Variants in LRRC37B observed in about 807,000 individuals in gnomAD.
LRRC37B encodes leucine rich repeat containing 37B, also known as leucine-rich repeat-containing protein 37B.
A neutral mutation model predicts 98.3 loss-of-function variants in LRRC37B; 28 were observed. The ratio of observed to expected loss-of-function variants is 0.28; its 90% CI spans 0.21 to 0.39. LRRC37B has a LOEUF of 0.39. Among genes scored for constraint, LRRC37B ranks in the 10% least tolerant of loss-of-function variants. LRRC37B has a pLI of 1.00. For missense variants in LRRC37B, 938 were observed against 1,182.7 expected, an observed-to-expected ratio of 0.79 and a Z score of 3.03; for synonymous variants, 364 against 442.7, an observed-to-expected ratio of 0.82 and a Z score of 2.23.
At chr17:32,039,533 TTTATATATATTTCTATATATATATTCTA>T (rs1233182638) in intron 7 of LRRC37B, among the ~76,000 whole-genome samples, 1 of 116,830 alleles carries the variant, frequency 8.6e-6, no homozygotes, top group African/African-American at 3.5e-5. Flanking sequence ...TGTATGTATT[TTTATATATATTTCTATATATATATTCTA>T]TATATATATT....
At chr17:32,051,208 G>A (rs1323575551) in intron 11 of LRRC37B, 1 of 152,216 alleles carries the variant, frequency 6.6e-6, no homozygotes, top group East Asian at 1.9e-4. Context: ...TAGGCCAGGT[G>A]CGGTGGCTCA....
In LRRC37B at chr17:32,049,501, G is replaced by A. The variant is rs1363661530; in HGVS notation, c.2757+107G>A. On this transcript the variant is annotated intron_variant, in intron 10 of 11. Transcript: ENST00000327564. ...GGACTCCCAGGCCATAGCTTGTCTTGGCCATGTAACTTTGGCCATGACAGT... is the reference window on the plus strand; with the variant it reads ...GGACTCCCAGGCCATAGCTTGTCTTAGCCATGTAACTTTGGCCATGACAGT... 5.6e-6 allele frequency: 7 copies of A among 1,248,072 alleles called. No individual in the cohort carries two copies. In the East Asian group the frequency reaches 1.5e-4, roughly 27 times the overall value. The allele number at this position is 1,248,072 out of a possible 1,614,324, so 77.3% of individuals were successfully genotyped here.
At position 32,031,052 on chromosome 17, in the gene LRRC37B, A is replaced by G. The variant is rs200634860; in HGVS notation, c.1976+325A>G. ...GCAGAGGCCAGAGATGCTGCTAAAC[A>G]TCCTGCAGAGTATAAGACAAACCCC... is the stretch of plus-strand genomic sequence containing the variant. On this transcript the variant is annotated intron_variant, in intron 4 of 11. Coordinates refer to ENST00000327564, the Ensembl canonical transcript of LRRC37B. Among the ~76,000 whole-genome samples, 352 of 152,082 alleles carry G rather than the reference A, an allele frequency of 2.3e-3. No homozygotes were observed. The East Asian group carries it at 0.036, about 16-fold the overall frequency.
At chr17:32,020,785 C>A (rs1910746877), upstream of LRRC37B, 2 of 584,676 alleles carry the variant, frequency 3.4e-6, no homozygotes, top group African/African-American at 1.9e-5. Flanking sequence ...ACTAGCACTT[C>A]TGAAGATCCC....
chr17:32,033,716 G>C (rs1478354753), intron 5 of LRRC37B, among the ~76,000 whole-genome samples: 3 of 152,056 alleles, frequency 2.0e-5, no homozygotes, highest in African/African-American at 7.2e-5. Flanking sequence ...ATGATTCTTG[G>C]GTTAACCTAA....
chr17:32,035,493 C>T, intron 6 of LRRC37B, 72 bp from the exon 10 acceptor site: 3 of 1,473,108 alleles, frequency 2.0e-6, no homozygotes, highest in Non-Finnish European at 2.8e-6. Context: ...ATCACATGTC[C>T]TTGAATTATC....
At chr17:32,048,211 G>A (rs1911644828) in intron 9 of LRRC37B, among the ~76,000 whole-genome samples, 1 of 152,034 alleles carries the variant, frequency 6.6e-6, no homozygotes, top group Non-Finnish European at 1.5e-5. Context: ...TGCAGAGAGT[G>A]AACAGAGTCC....
intron 1 of LRRC37B, among the ~76,000 whole-genome samples, chr17:32,014,241 G>A (rs1910600656): frequency 1.3e-5 from 2 of 152,126 alleles, no homozygotes; most frequent in Admixed American, 6.5e-5. Context: ...GATGATAAAG[G>A]CTATGGCCCA....
intron 5 of LRRC37B, among the ~76,000 whole-genome samples, chr17:32,034,665 A>G (rs746373537): frequency 6.0e-5 from 9 of 150,496 alleles, no homozygotes; most frequent in African/African-American, 1.5e-4. Context: ...TTTCTTTCCT[A>G]TCCATTTCTT....
intron 7 of LRRC37B, chr17:32,041,877 C>G (rs1315141908): frequency 4.4e-6 from 2 of 456,524 alleles, no homozygotes; most frequent in Admixed American, 4.7e-5. Flanking sequence ...GGGCAGCCCC[C>G]ACCTCCGTCC....
chr17:32,030,794 T>C, intron 4 of LRRC37B, 67 bp downstream of exon 7: 1 of 974,946 alleles, frequency 1.0e-6, no homozygotes, highest in Non-Finnish European at 1.5e-6. Context: ...ACCTCTTTGC[T>C]ATTCATTTTG....
chr17:32,010,196 G>A (rs74602686), intron 1 of LRRC37B, among the ~76,000 whole-genome samples: 7,801 of 152,166 alleles, frequency 0.051, 293 homozygotes, highest in Non-Finnish European at 0.071. Flanking sequence ...TTCTGTAAAA[G>A]GTCAGATAGT....
At chr17:32,021,262 C>T (rs1359154425) in exon 1 of LRRC37B, 2 of 1,612,910 alleles carry the variant, frequency 1.2e-6, no homozygotes, top group African/African-American at 2.7e-5. Context: ...CAGCTGACCT[C>T]TAACCCCCTG....
At chr17:32,023,403 G>A (rs1258325744) in intron 1 of LRRC37B, among the ~76,000 whole-genome samples, 2 of 152,132 alleles carry the variant, frequency 1.3e-5, no homozygotes, top group African/African-American at 2.4e-5. Context: ...GATTACAGGC[G>A]TGAGCCACCG....
upstream of LRRC37B, among the ~76,000 whole-genome samples, chr17:32,016,425 A>T (rs1223218504): frequency 6.6e-6 from 1 of 152,206 alleles, no homozygotes; most frequent in Non-Finnish European, 1.5e-5. Context: ...TTGTAGGCGT[A>T]TATTAATGTC....
intron 1 of LRRC37B, among the ~76,000 whole-genome samples, chr17:32,014,966 T>A (rs1312940058): frequency 6.6e-6 from 1 of 152,112 alleles, no homozygotes; most frequent in Admixed American, 6.6e-5. Context: ...ACCCCATCTC[T>A]ACAAAAAATA....
intron 4 of LRRC37B, among the ~76,000 whole-genome samples, chr17:32,030,974 C>T (rs975146344): frequency 6.6e-6 from 1 of 152,144 alleles, no homozygotes; most frequent in African/African-American, 2.4e-5. Flanking sequence ...TTGGTAATGT[C>T]CAGAGACACT....
At chr17:32,020,267 G>A (rs886949653), upstream of LRRC37B, among the ~76,000 whole-genome samples, 5 of 152,178 alleles carry the variant, frequency 3.3e-5, no homozygotes, top group Non-Finnish European at 7.3e-5. Flanking sequence ...AATAGGTAAG[G>A]GCTGTGGGGG....
At chr17:32,043,623 G>T (rs367602048) in intron 7 of LRRC37B, among the ~76,000 whole-genome samples, 1 of 152,092 alleles carries the variant, frequency 6.6e-6, no homozygotes, top group African/African-American at 2.4e-5. Flanking sequence ...GCTAGGTTAT[G>T]GTTCTGGGTA....
Sources: allele counts gnomAD v4.1 joint callset (sites outside exome capture counted in the v4.1 genomes callset), GRCh38; gene constraint gnomAD v4.1.1; transcripts MANE v1.5; gene names NCBI Gene and HGNC (gene_info 2026-07-23, HGNC 2026-07-21).